ANK2: variants seen among roughly 807,000 people sequenced by gnomAD.
ANK2 encodes ankyrin 2.
ANK2 carries 83 observed loss-of-function variants against 360.5 expected under a neutral mutation model. The observed-to-expected ratio is 0.23, with a 90% CI of 0.19 to 0.28. The LOEUF (loss-of-function observed/expected upper bound fraction) is 0.28. Ranked by LOEUF, ANK2 falls within the 10% of genes least tolerant of loss-of-function variation. The pLI is 1.00. For synonymous variants in ANK2, 1,740 were observed against 1,759.5 expected, an observed-to-expected ratio of 0.99 and a Z score of 0.28; for missense variants, 4,201 against 4,795.7, an observed-to-expected ratio of 0.88 and a Z score of 3.66.
intron 1 of ANK2, among the ~76,000 whole-genome samples, chr4:112,868,236 A>G (rs1421332965): frequency 6.6e-6 from 1 of 152,186 alleles, no homozygotes; most frequent in Non-Finnish European, 1.5e-5. Flanking sequence ...CTGTATTGCA[A>G]TGCTATAACA....
chr4:112,901,769 G>T lies in ANK2; in HGVS notation c.-39-2686G>T, dbSNP rs572467595. Among the ~76,000 whole-genome samples the T allele has an allele frequency of 3.3e-5, 5 of 151,974 alleles. No individual in the cohort carries two copies. The South Asian group carries it at 1.0e-3, about 32-fold the overall frequency. On this transcript the variant is annotated intron_variant, in intron 1 of 30. Transcript: ENST00000503271. ...CCAGCTACTCAGGAAGGAGGCTGAGGCAGGAGAATCGCTTAAACCCAGGAG... is the reference window on the plus strand; with the variant it reads ...CCAGCTACTCAGGAAGGAGGCTGAGTCAGGAGAATCGCTTAAACCCAGGAG...
At chr4:113,116,401 T>C (rs943163339) in intron 1 of ANK2, among the ~76,000 whole-genome samples, 1 of 152,124 alleles carries the variant, frequency 6.6e-6, no homozygotes, top group Non-Finnish European at 1.5e-5. Flanking sequence ...TATTGTTTGT[T>C]CACTGACAGC....
intron 2 of ANK2, among the ~76,000 whole-genome samples, chr4:113,037,094 A>G (rs1265360244): frequency 6.6e-6 from 1 of 151,962 alleles, no homozygotes; most frequent in Non-Finnish European, 1.5e-5. Flanking sequence ...TGGGAGTCTC[A>G]TATCTTCTGC....
chr4:113,187,084 T>TA lies in ANK2; in HGVS notation c.187-9272dup, dbSNP rs34551394. 5.8e-3 allele frequency among the ~76,000 whole-genome samples: 836 copies of TA among 144,152 alleles called. 6 individuals carry two copies. Among genetic ancestry groups the TA allele is most frequent in the Non-Finnish European group, 9.2e-3 (599 of 65,286 alleles). The allele number at this position is 144,152 out of a possible 152,430, so 94.6% of individuals were successfully genotyped here. On this transcript the variant is annotated intron_variant, in intron 2 of 45. Transcript: ENST00000357077. ...CCCCACCCCCTAAACTGTCATTACT[T>TA]AAAAAAAAAAAAGAAAGCTCTTTAT...
chr4:113,364,934 G>GT (rs1356132223), intron 40 of ANK2, 105 bp from the exon 41 acceptor site: 19 of 1,398,640 alleles, frequency 1.4e-5, no homozygotes, highest in Non-Finnish European at 1.7e-5. Context: ...GGCTTTGATT[G>GT]TTTTTTTCTG....
At chr4:112,839,010 T>C (rs898542313) in intron 1 of ANK2, among the ~76,000 whole-genome samples, 7 of 152,230 alleles carry the variant, frequency 4.6e-5, no homozygotes, top group Admixed American at 3.3e-4. Flanking sequence ...TCCTCTTTCC[T>C]CTGTGGACTT....
At chr4:113,174,211 T>C (rs1014195764) in intron 1 of ANK2, among the ~76,000 whole-genome samples, 2 of 152,224 alleles carry the variant, frequency 1.3e-5, no homozygotes, top group African/African-American at 4.8e-5. Context: ...ATATTGACTT[T>C]TAATGTACTT....
chr4:112,754,762 C>T, the ANK2 span, among the ~76,000 whole-genome samples: 1 of 151,940 alleles, frequency 6.6e-6, no homozygotes, highest in African/African-American at 2.4e-5. Context: ...TAAAGTTGCC[C>T]AAGAAAACTT....
intron 18 of ANK2, 49 bp downstream of exon 18, chr4:113,282,921 A>G (rs757450612): frequency 3.8e-6 from 6 of 1,591,094 alleles, no homozygotes; most frequent in Non-Finnish European, 5.2e-6. Context: ...GATGCATGTA[A>G]ACAGGAACCA....
At chr4:112,997,584 CATAGAACTTCCCT>C (rs1303083914) in intron 2 of ANK2, among the ~76,000 whole-genome samples, 3 of 152,086 alleles carry the variant, frequency 2.0e-5, no homozygotes, top group African/African-American at 7.2e-5. Context: ...AAAAAGACTC[CATAGAACTTCCCT>C]GTTTTGGAGA....
the ANK2 span, chr4:112,738,768 C>T: frequency 1.3e-5 from 8 of 619,496 alleles, no homozygotes; most frequent in Middle Eastern, 2.7e-4. Context: ...CAAAATGAAG[C>T]GTAACTGGTG....
At chr4:113,247,446 A>G (rs1382839522) in intron 9 of ANK2, among the ~76,000 whole-genome samples, 1 of 152,162 alleles carries the variant, frequency 6.6e-6, no homozygotes, top group Non-Finnish European at 1.5e-5. Flanking sequence ...AACTAATTTA[A>G]TCCTTATTGT....
intron 2 of ANK2, among the ~76,000 whole-genome samples, chr4:112,917,009 A>G (rs911906217): frequency 6.6e-6 from 1 of 152,228 alleles, no homozygotes; most frequent in Non-Finnish European, 1.5e-5. Flanking sequence ...CATGGCTTGA[A>G]TAAAGACCAA....
chr4:113,098,685 G>A (rs1007125441), intron 1 of ANK2, among the ~76,000 whole-genome samples: 9 of 151,938 alleles, frequency 5.9e-5, no homozygotes, highest in Non-Finnish European at 8.8e-5. Context: ...TTAATCCTAT[G>A]AGGCTGGTAT....
chr4:112,987,873 A>T, intron 2 of ANK2, among the ~76,000 whole-genome samples: 1 of 152,144 alleles, frequency 6.6e-6, no homozygotes, highest in East Asian at 1.9e-4. Flanking sequence ...CTTTGTAACA[A>T]TTTTTAGGAA....
At chr4:112,976,107 A>G (rs2041312339) in intron 2 of ANK2, among the ~76,000 whole-genome samples, 1 of 151,866 alleles carries the variant, frequency 6.6e-6, no homozygotes, top group South Asian at 2.1e-4. Flanking sequence ...TCCTTTTGTA[A>G]GCATGCTGGT....
intron 1 of ANK2, among the ~76,000 whole-genome samples, chr4:113,156,346 CGTATAGAGTATAT>C (rs1157664803): frequency 7.0e-6 from 1 of 143,640 alleles, no homozygotes; most frequent in Non-Finnish European, 1.5e-5. Context: ...CCTACACAAA[CGTATAGAGTATAT>C]GTAGAAAAAT....
chr4:112,831,005 C>A (rs1436199151), intron 1 of ANK2, among the ~76,000 whole-genome samples: 2 of 152,192 alleles, frequency 1.3e-5, no homozygotes, highest in African/African-American at 4.8e-5. Context: ...CCCACCTGTG[C>A]CTCGCTTGAA....
intron 1 of ANK2, among the ~76,000 whole-genome samples, chr4:113,078,352 C>A (rs566123202): frequency 3.3e-5 from 5 of 152,302 alleles, no homozygotes; most frequent in African/African-American, 1.2e-4. Context: ...GCAGAAGCAG[C>A]TCTTCCAGAA....
Sources: gnomAD v4.1 joint callset for allele counts (sites outside exome capture counted in the v4.1 genomes callset) on GRCh38, gnomAD v4.1.1 for gene constraint, MANE v1.5 for transcripts, NCBI Gene and HGNC (gene_info 2026-07-23, HGNC 2026-07-21) for gene names.